Variants in CCDC34 observed in about 807,000 individuals in gnomAD.
CCDC34 encodes coiled-coil domain-containing protein 34.
CCDC34 carries 40 observed loss-of-function variants against 44.1 expected under a neutral mutation model. That is an observed-to-expected ratio of 0.91 (90% CI 0.70 to 1.18). The LOEUF is 1.18. CCDC34 is among the 50% of genes most tolerant of loss of function. CCDC34 has a pLI of 0.00. For synonymous variants in CCDC34, 159 were observed against 158.2 expected, an observed-to-expected ratio of 1.01 and a Z score of -0.04; for missense variants, 466 against 452.3, an observed-to-expected ratio of 1.03 and a Z score of -0.28.
At chr11:27,349,974 CAG>C (rs2133344131) in intron 3 of CCDC34, 1 of 1,121,534 alleles carries the variant, frequency 8.9e-7, no homozygotes, top group Non-Finnish European at 1.1e-6. Context: ...CTGAATGAAA[CAG>C]AGAAATGGGA....
chr11:27,356,072 A>G (rs1170764033), intron 2 of CCDC34, among the ~76,000 whole-genome samples: 2 of 125,996 alleles, frequency 1.6e-5, no homozygotes, highest in Non-Finnish European at 3.1e-5. Flanking sequence ...AGGCTGGAGT[A>G]CAATGGTGTG....
intron 3 of CCDC34, among the ~76,000 whole-genome samples, chr11:27,341,915 A>G (rs1011644706): frequency 6.6e-6 from 1 of 152,056 alleles, no homozygotes; most frequent in African/African-American, 2.4e-5. Flanking sequence ...CATAGGGGCA[A>G]TTCTTTCCCA....
At chr11:27,354,292 C>A (rs551181136) in intron 2 of CCDC34, among the ~76,000 whole-genome samples, 1 of 152,254 alleles carries the variant, frequency 6.6e-6, no homozygotes, top group South Asian at 2.1e-4. Context: ...AATAATTATA[C>A]CCTGCTACAT....
intron 3 of CCDC34, chr11:27,350,129 C>G: frequency 7.0e-7 from 1 of 1,437,312 alleles, no homozygotes. Flanking sequence ...GTGCAAGCCA[C>G]AGGAGGGAAA....
Position 27,363,169 on chromosome 11 carries a change from GGC to G in CCDC34, c.24_25del (p.Pro9TyrfsTer12), listed in dbSNP as rs750629508. On this transcript the variant is annotated frameshift_variant, in exon 1 of 6. Transcript: ENST00000328697. LOFTEE classifies it high-confidence loss of function. The stretch of plus-strand genomic sequence containing the variant: ...ACCGGCGTAGGAAGAGGGAAAAGTA[GGC>G]CCCCAGCGCCCCGCCGCCCACATCT... 2.5e-5 allele frequency: 37 copies of G among 1,493,904 alleles called. No individual in the cohort carries two copies. The East Asian group carries it at 8.2e-4, about 33-fold the overall frequency. The allele number at this position is 1,493,904 out of a possible 1,614,324, so 92.5% of individuals were successfully genotyped here. A position where few individuals can be genotyped will look rare whatever the true frequency, so the allele number is the denominator to read the frequency against.
chr11:27,348,281 T>G (rs565744305), intron 3 of CCDC34, among the ~76,000 whole-genome samples: 2 of 152,346 alleles, frequency 1.3e-5, no homozygotes, highest in East Asian at 3.9e-4. Flanking sequence ...AACAGTGTTA[T>G]CCATCATATA....
chr11:27,349,313 T>TA (rs1862474195), intron 3 of CCDC34: 6 of 913,208 alleles, frequency 6.6e-6, no homozygotes, highest in South Asian at 5.1e-5. Context: ...TAAACTTTTT[T>TA]AAAAAAACAA....
chr11:27,346,466 CAG>C (rs1181039683), intron 3 of CCDC34, among the ~76,000 whole-genome samples: 1 of 85,268 alleles, frequency 1.2e-5, no homozygotes, highest in Non-Finnish European at 2.4e-5. Context: ...GGAGGGAAGA[CAG>C]AGGAAAGAAG....
chr11:27,346,595 A>T (rs192350202), intron 3 of CCDC34, among the ~76,000 whole-genome samples: 202 of 152,336 alleles, frequency 1.3e-3, no homozygotes, highest in African/African-American at 4.0e-3. Context: ...ACAAATTCTC[A>T]TATCTTAATA....
intron 3 of CCDC34, among the ~76,000 whole-genome samples, chr11:27,344,646 T>C (rs988844991): frequency 6.6e-6 from 1 of 151,742 alleles, no homozygotes; most frequent in Non-Finnish European, 1.5e-5. Context: ...CTGCTATACA[T>C]TGAAAACTAA....
intron 1 of CCDC34, 65 bp downstream of exon 1, chr11:27,362,771 G>T: frequency 6.5e-7 from 1 of 1,533,248 alleles, no homozygotes; most frequent in Non-Finnish European, 8.8e-7. Flanking sequence ...TGTTAGAAGG[G>T]GGTACTTAAG....
Position 27,341,561 on chromosome 11 carries a change from AATAG to A in CCDC34, c.607-15_607-12del, listed in dbSNP as rs764524979. On this transcript the variant is annotated splice_polypyrimidine_tract_variant and intron_variant, in intron 3 of 5. Transcript: ENST00000328697. ...TCTTTCTTTTCTTTTCTTAAATAAA[AATAG>A]ATAAAGTTTAATTGTAATACCAGTA... The A allele has an allele frequency of 1.9e-5, 22 of 1,176,100 alleles. No homozygotes were observed. The highest frequency in any genetic ancestry group is 5.4e-5 in the East Asian group (2 of 37,214). The allele number at this position is 1,176,100 out of a possible 1,614,324, so 72.9% of individuals were successfully genotyped here.
chr11:27,348,140 C>T (rs1862458184), intron 3 of CCDC34, among the ~76,000 whole-genome samples: 1 of 152,014 alleles, frequency 6.6e-6, no homozygotes, highest in East Asian at 1.9e-4. Context: ...TTGTTTCATA[C>T]AACTAAAGGA....
Position 27,338,885 on chromosome 11 carries a change from G to T in CCDC34, c.1058C>A (p.Ser353Tyr), listed in dbSNP as rs1354825853. The part of the protein sequence containing the change: ...PVISQPHKSS[S>Y]LVIHKARSNL... ...GCTCCTGGCTTTATGAATTACCAGA[G>T]ATGATGACTTGTGTGGCTGACTTAT... Residue 353 changes from serine to tyrosine, a missense_variant, in exon 6 of 6, where the codon TCT (serine) becomes TAT (tyrosine). Ser to Tyr is a moderately radical substitution (Grantham distance 144, BLOSUM62 -2). Coordinates refer to ENST00000328697, the MANE Select transcript of CCDC34 (RefSeq NM_030771.2). The T allele has an allele frequency of 6.2e-7, 1 of 1,613,904 alleles. No individual in the cohort carries two copies. The highest frequency in any genetic ancestry group is 2.2e-5 in the East Asian group (1 of 44,828).
rs777716672 is a variant in CCDC34 at position 27,363,137 on chromosome 11, C to T, written c.58G>A (p.Ala20Thr). The T allele has an allele frequency of 1.5e-5, 23 of 1,536,072 alleles. No individual in the cohort carries two copies. The highest frequency in any genetic ancestry group is 1.9e-5 in the Non-Finnish European group (22 of 1,143,550). Residue 20 changes from alanine to threonine, a missense_variant, in exon 1 of 6, where the codon GCT becomes ACT. Transcript: ENST00000328697. ...GGCCGAGACCTGGGTCTGCAGTCAG[C>T]AGAGAAACCGGCGTAGGAAGAGGGA... ...TFPSSYAGFS[A>T]DCRPRSRPSS...
At chr11:27,358,355 A>T (rs1310823595) in intron 1 of CCDC34, among the ~76,000 whole-genome samples, 1 of 152,222 alleles carries the variant, frequency 6.6e-6, no homozygotes, top group African/African-American at 2.4e-5. Flanking sequence ...CTTAACAATC[A>T]GCAGCCATAG....
chr11:27,360,789 T>C (rs994824640), intron 1 of CCDC34, among the ~76,000 whole-genome samples: 1 of 152,226 alleles, frequency 6.6e-6, no homozygotes, highest in Non-Finnish European at 1.5e-5. Context: ...AAGTAGGTTG[T>C]AGTAAACAGG....
chr11:27,340,796 CT>C lies in CCDC34; in HGVS notation c.806del (p.Lys269ArgfsTer3). 1 of 1,613,048 alleles carries C rather than the reference CT, an allele frequency of 6.2e-7. No homozygotes were observed. Among genetic ancestry groups the C allele is most frequent in the African/African-American group, 1.3e-5 (1 of 74,974 alleles). ...KQQQAEIQEK[K>X]EIAEKKFQEW... is the part of the protein sequence containing the mutation. ...CTTGAAACTTTTTTTCTGCTATTTC[CT>C]TTTTCTCCTGTATTTCAGCTTGCTG... On this transcript the variant is annotated frameshift_variant, in exon 5 of 6. Transcript: ENST00000328697. LOFTEE classifies it high-confidence loss of function.
At position 27,341,486 on chromosome 11, in the gene CCDC34, TC is replaced by T; in HGVS notation, c.670del (p.Glu224ArgfsTer17). ...TGCTTTTTCTTGCAAGTATTCTTTCTCCAGTTCCTTTGCTGCTTTTTCCTCC... is the reference window on the plus strand; with the variant it reads ...TGCTTTTTCTTGCAAGTATTCTTTCTCAGTTCCTTTGCTGCTTTTTCCTCC... ...EMEEKAAKEL[E>X]KEYLQEKAKE... On this transcript the variant is annotated frameshift_variant, in exon 4 of 6. Coordinates refer to ENST00000328697, the MANE Select transcript of CCDC34 (RefSeq NM_030771.2). LOFTEE classifies it high-confidence loss of function. The T allele has an allele frequency of 6.9e-7, 1 of 1,440,912 alleles. No individual in the cohort carries two copies. The highest frequency in any genetic ancestry group is 1.4e-5 in the South Asian group (1 of 72,988). 89.3% of individuals were successfully genotyped at this position (1,440,912 alleles called of 1,614,324 possible). A position where few individuals can be genotyped will look rare whatever the true frequency, so the allele number is the denominator to read the frequency against.
Sources: allele counts gnomAD v4.1 joint callset (sites outside exome capture counted in the v4.1 genomes callset), GRCh38; gene constraint gnomAD v4.1.1; transcripts MANE v1.5; gene names NCBI Gene and HGNC (gene_info 2026-07-23, HGNC 2026-07-21).